TMEM178A: variants seen among roughly 807,000 people sequenced by gnomAD.
TMEM178A encodes the protein transmembrane protein 178.
Under a neutral mutation model 29.1 loss-of-function variants are expected in TMEM178A, and 12 were observed. The observed-to-expected ratio is 0.41, with a 90% CI of 0.26 to 0.67. The LOEUF is 0.67. Among genes scored for constraint, TMEM178A ranks in the 30% least tolerant of loss-of-function variants. The pLI is 0.29. For missense variants in TMEM178A, 366 were observed against 419.1 expected (o/e 0.87, Z 1.11); for synonymous variants, 210 against 187.2 (o/e 1.12, Z -0.99).
At chr2:39,708,185 C>T (rs529073533) in intron 3 of TMEM178A, among the ~76,000 whole-genome samples, 2 of 152,098 alleles carry the variant, frequency 1.3e-5, no homozygotes, top group South Asian at 2.1e-4. Context: ...GAGAAGCAGC[C>T]GGTGGTAGGA....
chr2:39,667,048 G>C (rs1210125495), intron 1 of TMEM178A, among the ~76,000 whole-genome samples: 1 of 152,208 alleles, frequency 6.6e-6, no homozygotes, highest in East Asian at 1.9e-4. Flanking sequence ...GCTGGTGGAG[G>C]CTGCCCGAGG....
the TMEM178A span, among the ~76,000 whole-genome samples, chr2:39,725,799 C>CA: frequency 6.6e-6 from 1 of 152,202 alleles, no homozygotes; most frequent in Non-Finnish European, 1.5e-5. Context: ...ATTGTAGACT[C>CA]AAACTCTTTG....
At chr2:39,718,649 C>T (rs1672637851), downstream of TMEM178A, among the ~76,000 whole-genome samples, 1 of 152,186 alleles carries the variant, frequency 6.6e-6, no homozygotes, top group South Asian at 2.1e-4. Flanking sequence ...TTATGTTACT[C>T]ATAAGCTGAG....
At chr2:39,707,860 G>GTCAAA (rs1431092170) in intron 3 of TMEM178A, among the ~76,000 whole-genome samples, 1 of 152,172 alleles carries the variant, frequency 6.6e-6, no homozygotes, top group Non-Finnish European at 1.5e-5. Flanking sequence ...AGACAGAGGG[G>GTCAAA]GATAGATCAG....
rs1442712963 is a variant in TMEM178A, at chr2:39,666,063, A to G, written c.89A>G (p.His30Arg). The change falls in exon 1 of 4, where the codon CAC (histidine) becomes CGC (arginine). Residue 30 changes from histidine to arginine, a missense_variant. This residue lies in a region of TMEM178A where 247 missense variants were observed against 246.8 expected (regional missense o/e 1.00). Transcript: ENST00000281961. Reference protein sequence around the residue: ...GLLVTAIFTDHWYETDPRRHK... With the variant: ...GLLVTAIFTDRWYETDPRRHK... ...CTCGTCACGGCCATCTTCACCGACC[A>G]CTGGTACGAGACCGACCCCCGGCGC... The G allele has an allele frequency of 1.3e-6, 2 of 1,565,446 alleles. No individual in the cohort carries two copies. The highest frequency in any genetic ancestry group is 2.6e-5 in the East Asian group (1 of 38,510).
chr2:39,686,822 G>C (rs965885048), intron 1 of TMEM178A, among the ~76,000 whole-genome samples: 2 of 152,200 alleles, frequency 1.3e-5, no homozygotes, highest in African/African-American at 4.8e-5. Context: ...GGGATGCTTA[G>C]GAAAACTGCC....
chr2:39,711,139 A>C (rs1205473024), intron 3 of TMEM178A, among the ~76,000 whole-genome samples: 3 of 152,210 alleles, frequency 2.0e-5, no homozygotes, highest in African/African-American at 7.2e-5. Context: ...ACACACAGGC[A>C]CAGAAGCATA....
At chr2:39,695,060 T>C (rs542080168) in intron 1 of TMEM178A, among the ~76,000 whole-genome samples, 6 of 152,344 alleles carry the variant, frequency 3.9e-5, no homozygotes, top group Admixed American at 2.0e-4. Context: ...GAAAGCATTT[T>C]TGTCTGTCTG....
At chr2:39,721,990 A>G (rs1195896650), downstream of TMEM178A, among the ~76,000 whole-genome samples, 48 of 121,954 alleles carry the variant, frequency 3.9e-4, no homozygotes, top group African/African-American at 1.8e-3. Flanking sequence ...AGTCTCAAAA[A>G]AAAAAAAAAA....
the TMEM178A span, among the ~76,000 whole-genome samples, chr2:39,725,720 G>T: frequency 3.5e-4 from 54 of 152,294 alleles, no homozygotes; most frequent in African/African-American, 2.4e-5. Context: ...CTGTGAAGCC[G>T]ACTTGCTGCC....
At chr2:39,735,369 T>C in the TMEM178A span, among the ~76,000 whole-genome samples, 2 of 152,148 alleles carry the variant, frequency 1.3e-5, no homozygotes, top group Admixed American at 6.5e-5. Context: ...GAATAAGGAC[T>C]ACAGAAATCT....
intron 1 of TMEM178A, among the ~76,000 whole-genome samples, chr2:39,682,956 C>A (rs1356256703): frequency 6.6e-6 from 1 of 152,208 alleles, no homozygotes; most frequent in Admixed American, 6.5e-5. Flanking sequence ...TCTAACATGA[C>A]AGCCCATTAC....
At chr2:39,707,862 A>G (rs1672106936) in intron 3 of TMEM178A, among the ~76,000 whole-genome samples, 1 of 152,148 alleles carries the variant, frequency 6.6e-6, no homozygotes, top group Admixed American at 6.5e-5. Context: ...ACAGAGGGGG[A>G]TAGATCAGCA....
intron 1 of TMEM178A, among the ~76,000 whole-genome samples, chr2:39,685,245 T>G (rs1671027052): frequency 6.6e-6 from 1 of 152,182 alleles, no homozygotes; most frequent in Non-Finnish European, 1.5e-5. Context: ...AGCCCAGGCC[T>G]GCAGGTCTTC....
intron 2 of TMEM178A, among the ~76,000 whole-genome samples, chr2:39,706,651 T>C (rs886073320): frequency 1.3e-5 from 2 of 152,096 alleles, no homozygotes; most frequent in Non-Finnish European, 2.9e-5. Context: ...AAAATTTCAA[T>C]AGTTTTTGGG....
At chr2:39,706,406 T>C (rs1197589704) in intron 2 of TMEM178A, among the ~76,000 whole-genome samples, 1 of 152,252 alleles carries the variant, frequency 6.6e-6, no homozygotes, top group African/African-American at 2.4e-5. Context: ...TATGAGCACA[T>C]GTATCCTGTG....
intron 1 of TMEM178A, among the ~76,000 whole-genome samples, chr2:39,681,915 C>T (rs915447321): frequency 6.6e-6 from 1 of 152,112 alleles, no homozygotes; most frequent in African/African-American, 2.4e-5. Context: ...AGATGGTGTT[C>T]ATGTACTCCA....
chr2:39,701,569 A>G (rs142248211), intron 1 of TMEM178A, among the ~76,000 whole-genome samples: 1 of 152,132 alleles, frequency 6.6e-6, no homozygotes, highest in Non-Finnish European at 1.5e-5. Flanking sequence ...ACTTCTTAGG[A>G]ATGCAAGTTC....
At chr2:39,696,193 A>G (rs750081785) in intron 1 of TMEM178A, among the ~76,000 whole-genome samples, 7 of 152,164 alleles carry the variant, frequency 4.6e-5, no homozygotes, top group Admixed American at 1.3e-4. Flanking sequence ...CAAATTCTTC[A>G]GGAGTGAGGT....
Sources: gnomAD v4.1 joint callset for allele counts (sites outside exome capture counted in the v4.1 genomes callset) on GRCh38, gnomAD v4.1.1 for gene constraint, gnomAD v4.1.1 regional missense constraint, MANE v1.5 for transcripts, NCBI Gene and HGNC (gene_info 2026-07-23, HGNC 2026-07-21) for gene names.